DNMT3B: variants seen among roughly 807,000 people sequenced by gnomAD.
The protein encoded by DNMT3B is DNA (cytosine-5)-methyltransferase 3B.
Under a neutral mutation model 120.2 loss-of-function variants are expected in DNMT3B, and 37 were observed. That is an observed-to-expected ratio of 0.31 (90% CI 0.24 to 0.40). DNMT3B has a LOEUF of 0.40. DNMT3B is among the 10% of genes least tolerant of loss of function. DNMT3B has a pLI of 1.00. For synonymous variants in DNMT3B, 412 were observed against 442.8 expected (o/e 0.93, Z 0.87); for missense variants, 878 against 1,137.3 (o/e 0.77, Z 3.28).
intron 12 of DNMT3B, among the ~76,000 whole-genome samples, chr20:32,796,490 C>G (rs963551349): frequency 2.0e-5 from 3 of 152,204 alleles, no homozygotes; most frequent in African/African-American, 7.2e-5. Context: ...CTTAGTGTCC[C>G]AGTATTTAAA....
chr20:32,775,100 C>T (rs1988002188), intron 1 of DNMT3B, among the ~76,000 whole-genome samples: 1 of 152,054 alleles, frequency 6.6e-6, no homozygotes, highest in South Asian at 2.1e-4. Context: ...TCGGGTGGTC[C>T]ACCTGCCTCA....
At chr20:32,777,076 CAG>C (rs1441935434) in intron 1 of DNMT3B, among the ~76,000 whole-genome samples, 1 of 152,162 alleles carries the variant, frequency 6.6e-6, no homozygotes, top group Non-Finnish European at 1.5e-5. Context: ...GTGATAAAAA[CAG>C]AAGGAATTTT....
intron 22 of DNMT3B, among the ~76,000 whole-genome samples, chr20:32,807,420 TATTA>T (rs1982089476): frequency 6.6e-6 from 1 of 152,166 alleles, no homozygotes; most frequent in African/African-American, 2.4e-5. Context: ...CCTTGTTCCT[TATTA>T]AGGAAATTGC....
In DNMT3B at chr20:32,808,004, G is replaced by A. The variant is rs576264538; in HGVS notation, c.*101G>A. The A allele has an allele frequency of 3.7e-4, 596 of 1,597,396 alleles. No homozygotes were observed. Among genetic ancestry groups the A allele is most frequent in the Non-Finnish European group, 4.9e-4 (574 of 1,170,676 alleles). Reference sequence around the variant, plus strand: ...CCAGGCCCTGCTCTTCCTCAGCTGTGTGGGTCATACCGTGTACCTCAGTTC... The same window carrying A: ...CCAGGCCCTGCTCTTCCTCAGCTGTATGGGTCATACCGTGTACCTCAGTTC... On this transcript the variant is annotated 3_prime_UTR_variant, in exon 23 of 23. Transcript: ENST00000328111.
chr20:32,783,753 C>G (rs1434690118), intron 3 of DNMT3B, among the ~76,000 whole-genome samples: 2 of 151,998 alleles, frequency 1.3e-5, no homozygotes, highest in Non-Finnish European at 2.9e-5. Flanking sequence ...GAGACAGAGT[C>G]TCCAGTCTGT....
chr20:32,774,386 T>C (rs1477158814), intron 1 of DNMT3B, among the ~76,000 whole-genome samples: 3 of 151,744 alleles, frequency 2.0e-5, no homozygotes, highest in African/African-American at 7.3e-5. Flanking sequence ...ATTTTTTGTG[T>C]TTTTAGTAGA....
chr20:32,796,905 C>A (rs1186438832), intron 13 of DNMT3B, 36 bp downstream of exon 13: 1 of 1,614,154 alleles, frequency 6.2e-7, no homozygotes, highest in Admixed American at 1.7e-5. Context: ...ACCTTCCTCC[C>A]CTTGCCTCCT....
Position 32,784,868 on chromosome 20 carries a change from C to T in DNMT3B, c.306+9C>T. The T allele has an allele frequency of 2.5e-6, 4 of 1,613,962 alleles. No homozygotes were observed. Among genetic ancestry groups the T allele is most frequent in the Non-Finnish European group, 3.4e-6 (4 of 1,179,950 alleles). ...GTTCAGAAAGCCCAGCTGTAAGTAG[C>T]CACACCTCGAGCCAAAGCACTTGTG... is the stretch of plus-strand genomic sequence containing the variant. On this transcript the variant is annotated intron_variant, in intron 4 of 22. Coordinates refer to ENST00000328111, the MANE Select transcript of DNMT3B (RefSeq NM_006892.4).
At position 32,795,608 on chromosome 20, in the gene DNMT3B, G is replaced by A. The variant is rs375219922; in HGVS notation, c.1253-42G>A. The A allele has an allele frequency of 3.3e-5, 53 of 1,614,044 alleles. No homozygotes were observed. The African/African-American group carries it at 4.1e-4, about 13-fold the overall frequency. On this transcript the variant is annotated intron_variant, in intron 11 of 22. Coordinates refer to ENST00000328111, the MANE Select transcript of DNMT3B (RefSeq NM_006892.4). ...GCAGATCAGGAATTGATCTGTACCC[G>A]GCTCCCTGACCTCATCTCATGCCTT...
chr20:32,767,590 G>T (rs1451338992), intron 1 of DNMT3B, among the ~76,000 whole-genome samples: 1 of 152,004 alleles, frequency 6.6e-6, no homozygotes, highest in Admixed American at 6.6e-5. Flanking sequence ...GTGCCACCAC[G>T]CCCATCTAAT....
intron 1 of DNMT3B, among the ~76,000 whole-genome samples, chr20:32,769,558 A>G (rs1451545960): frequency 1.3e-5 from 2 of 152,088 alleles, no homozygotes; most frequent in African/African-American, 4.8e-5. Flanking sequence ...CTGAGCCCCC[A>G]CTAGGTAATT....
At chr20:32,787,927 G>A (rs558256116) in intron 6 of DNMT3B, among the ~76,000 whole-genome samples, 44 of 152,220 alleles carry the variant, frequency 2.9e-4, no homozygotes, top group Middle Eastern at 3.4e-3. Flanking sequence ...TCTCTGGCGG[G>A]CAGGAGTGGG....
At chr20:32,794,631 C>T (rs1049029318) in intron 10 of DNMT3B, among the ~76,000 whole-genome samples, 7 of 151,886 alleles carry the variant, frequency 4.6e-5, no homozygotes, top group Non-Finnish European at 1.0e-4. Flanking sequence ...CGTCATTGCC[C>T]TCCAGCCTGG....
rs1351642877 is a variant in DNMT3B, at chr20:32,806,293, AAAG to A, written c.2391_2393del (p.Glu797del). Reference sequence around the variant, plus strand: ...ACTTTTCCCTGTTGTCATGAATGGCAAAGAAGATGTTTTGTGGTGCACTGAGCT... The same window carrying A: ...ACTTTTCCCTGTTGTCATGAATGGCAAAGATGTTTTGTGGTGCACTGAGCT... On this transcript the variant is annotated inframe_deletion, in exon 22 of 23. Transcript: ENST00000328111. 1 of 1,614,232 alleles carries A rather than the reference AAAG, an allele frequency of 6.2e-7. No homozygotes were observed. The highest frequency in any genetic ancestry group is 2.2e-5 in the East Asian group (1 of 44,892).
chr20:32,786,749 G>T, intron 5 of DNMT3B, 122 bp downstream of exon 5: 2 of 1,524,076 alleles, frequency 1.3e-6, no homozygotes, highest in Non-Finnish European at 1.8e-6. Flanking sequence ...CTGCTTTTCA[G>T]GTTCTTGCTT....
intron 2 of DNMT3B, among the ~76,000 whole-genome samples, chr20:32,780,970 GC>G (rs2065318429): frequency 6.6e-6 from 1 of 152,176 alleles, no homozygotes; most frequent in Non-Finnish European, 1.5e-5. Flanking sequence ...TTCTATTTCT[GC>G]ATTGTTCCCC....
intron 1 of DNMT3B, among the ~76,000 whole-genome samples, chr20:32,768,380 T>C (rs1324659342): frequency 6.6e-6 from 1 of 152,068 alleles, no homozygotes; most frequent in Non-Finnish European, 1.5e-5. Flanking sequence ...TTAGTAGAGA[T>C]GGTGTTTCTC....
chr20:32,767,059 T>G (rs1203632854), intron 1 of DNMT3B, among the ~76,000 whole-genome samples: 1 of 151,796 alleles, frequency 6.6e-6, no homozygotes, highest in African/African-American at 2.4e-5. Context: ...CCCGGCTAAT[T>G]CTGTATTTTT....
chr20:32,780,239 A>G (rs1312659486), intron 1 of DNMT3B, 79 bp from the exon 2 acceptor site: 2 of 1,613,282 alleles, frequency 1.2e-6, no homozygotes, highest in Admixed American at 1.7e-5. Flanking sequence ...CTGAGAACAC[A>G]GAGCCCATGG....
Sources: allele counts gnomAD v4.1 joint callset (sites outside exome capture counted in the v4.1 genomes callset), GRCh38; gene constraint gnomAD v4.1.1; transcripts MANE v1.5; gene names NCBI Gene and HGNC (gene_info 2026-07-23, HGNC 2026-07-21).